USP10: variants seen among roughly 807,000 people sequenced by gnomAD.
The protein encoded by USP10 is ubiquitin specific peptidase 10, also known as ubiquitin carboxyl-terminal hydrolase 10.
Under a neutral mutation model 84.5 loss-of-function variants are expected in USP10, and 22 were observed. That is an observed-to-expected ratio of 0.26 (90% CI 0.19 to 0.37). USP10 has a LOEUF of 0.37. USP10 is among the 10% of genes least tolerant of loss of function. The pLI, the probability that USP10 is intolerant of heterozygous loss-of-function variation, is 1.00. For synonymous variants in USP10, 454 were observed against 387.6 expected (o/e 1.17, Z -2.01); for missense variants, 1,019 against 998.9 (o/e 1.02, Z -0.27).
intron 2 of USP10, among the ~76,000 whole-genome samples, chr16:84,735,249 TTTAAG>T (rs1909783306): frequency 6.7e-6 from 1 of 150,254 alleles, no homozygotes; most frequent in African/African-American, 2.5e-5. Context: ...TGTGTGTGTT[TTTAAG>T]TAAGGGGATT....
chr16:84,727,493 CTCTT>C (rs1908655588), intron 1 of USP10, among the ~76,000 whole-genome samples: 1 of 151,802 alleles, frequency 6.6e-6, no homozygotes, highest in African/African-American at 2.4e-5. Context: ...CAAACAAAAA[CTCTT>C]TATTTGCAAA....
intron 4 of USP10, among the ~76,000 whole-genome samples, chr16:84,750,327 G>C (rs1401197658): frequency 6.7e-6 from 1 of 150,240 alleles, no homozygotes; most frequent in Non-Finnish European, 1.5e-5. Context: ...AGAATAGCTT[G>C]AACCGGGGAG....
chr16:84,778,070 AT>A (rs898647288), intron 13 of USP10, among the ~76,000 whole-genome samples: 8 of 116,346 alleles, frequency 6.9e-5, no homozygotes, highest in South Asian at 2.6e-4. Flanking sequence ...TGGTTATAGG[AT>A]TTTTTTTTTA....
At chr16:84,723,237 T>C (rs572424578) in intron 1 of USP10, among the ~76,000 whole-genome samples, 5 of 152,152 alleles carry the variant, frequency 3.3e-5, no homozygotes, top group East Asian at 3.9e-4. Flanking sequence ...CACATGGTAA[T>C]TGTTAATGAT....
In USP10 at chr16:84,737,532, C is replaced by T. The variant is rs567825807; in HGVS notation, c.91-2777C>T. On this transcript the variant is annotated intron_variant, in intron 2 of 13. Transcript: ENST00000219473. ...GTGGAATAAAACACACACATTTCCACAGTGCCACAACCCATCTGGCATTCC... is the reference window on the plus strand; with the variant it reads ...GTGGAATAAAACACACACATTTCCATAGTGCCACAACCCATCTGGCATTCC... Among the ~76,000 whole-genome samples the T allele has an allele frequency of 1.3e-4, 20 of 152,334 alleles. No individual in the cohort carries two copies. In the South Asian group the frequency reaches 3.9e-3, roughly 30 times the overall value.
intron 2 of USP10, among the ~76,000 whole-genome samples, chr16:84,738,151 C>T (rs1910177336): frequency 6.6e-6 from 1 of 152,108 alleles, no homozygotes; most frequent in South Asian, 2.1e-4. Context: ...TCTTCCCAGC[C>T]TGCTGCAGTC....
chr16:84,700,919 C>T (rs868704790), intron 1 of USP10, among the ~76,000 whole-genome samples: 2 of 152,056 alleles, frequency 1.3e-5, no homozygotes, highest in Admixed American at 6.5e-5. Context: ...ATCTTCTCCC[C>T]CCTCCGCCAT....
At chr16:84,741,640 C>G (rs1483975325) in intron 3 of USP10, among the ~76,000 whole-genome samples, 1 of 152,160 alleles carries the variant, frequency 6.6e-6, no homozygotes, top group Non-Finnish European at 1.5e-5. Context: ...CCCTTTTTCT[C>G]CATTCTTTAC....
At chr16:84,768,819 A>G (rs952109075) in intron 11 of USP10, among the ~76,000 whole-genome samples, 5 of 152,192 alleles carry the variant, frequency 3.3e-5, no homozygotes, top group Non-Finnish European at 5.9e-5. Context: ...TAAATATAAT[A>G]TAGTCATTGT....
chr16:84,759,805 G>T, intron 6 of USP10, 86 bp from the exon 7 acceptor site: 1 of 1,332,836 alleles, frequency 7.5e-7, no homozygotes, highest in Admixed American at 1.7e-5. Context: ...TCGTATAGCT[G>T]ATATTCTACT....
chr16:84,762,950 A>G (rs751565854), intron 8 of USP10, 39 bp from the exon 9 acceptor site: 2 of 1,345,370 alleles, frequency 1.5e-6, no homozygotes, highest in Non-Finnish European at 2.1e-6. Flanking sequence ...TTTGACAGTG[A>G]TCAGTTCACA....
intron 4 of USP10, among the ~76,000 whole-genome samples, chr16:84,755,238 C>T (rs889070882): frequency 1.3e-5 from 2 of 151,700 alleles, no homozygotes; most frequent in African/African-American, 2.4e-5. Flanking sequence ...CCGTCTCACC[C>T]ACCTCTGGCA....
At position 84,707,445 on chromosome 16, in the gene USP10, A is replaced by T. The variant is rs115632781; in HGVS notation, c.21+7334A>T. On this transcript the variant is annotated intron_variant, in intron 1 of 13. Transcript: ENST00000219473. ...ACAGCACAGACGTATTTAAAGTGAA[A>T]AGTAGAAGTCATTCCCTTCCTCTCT... 3.3e-3 allele frequency among the ~76,000 whole-genome samples: 500 copies of T among 152,330 alleles called. 1 individual carries two copies. Among genetic ancestry groups the T allele is most frequent in the Middle Eastern group, 0.02 (6 of 294 alleles).
At chr16:84,765,476 CT>C (rs11395693) in intron 10 of USP10, among the ~76,000 whole-genome samples, 4,750 of 143,838 alleles carry the variant, frequency 0.033, 232 homozygotes, top group African/African-American at 0.11. Flanking sequence ...GTAGTTTCGT[CT>C]TTTTTTTTTT....
At chr16:84,748,041 C>G (rs1441432440) in intron 4 of USP10, among the ~76,000 whole-genome samples, 3 of 149,812 alleles carry the variant, frequency 2.0e-5, no homozygotes, top group African/African-American at 7.4e-5. Flanking sequence ...GTAGTCCCAG[C>G]TACTCAGGAG....
chr16:84,734,203 A>G (rs1257914052), intron 2 of USP10, among the ~76,000 whole-genome samples: 1 of 152,018 alleles, frequency 6.6e-6, no homozygotes, highest in East Asian at 1.9e-4. Flanking sequence ...CTCGTTTGCT[A>G]TCTAGGATTT....
chr16:84,745,655 G>C lies in USP10; in HGVS notation c.1174G>C (p.Val392Leu). 5 of 1,610,032 alleles carry C rather than the reference G, an allele frequency of 3.1e-6. No homozygotes were observed. The highest frequency in any genetic ancestry group is 4.2e-6 in the Non-Finnish European group (5 of 1,178,452). ...GCTTGTTCCGGTTTCAGAGGATCCT[G>C]TAGCCATAAAGATTGCAGGTATAGT... ...EGLVPVSEDP[V>L]AIKIAELLEN... Residue 392 changes from valine to leucine, a missense_variant, in exon 4 of 14, where the codon GTA becomes CTA. This residue lies in a region of USP10 where 787 missense variants were observed against 708.8 expected (regional missense o/e 1.11). Transcript: ENST00000219473.
chr16:84,748,906 G>A (rs1245218458), intron 4 of USP10, among the ~76,000 whole-genome samples: 1 of 152,184 alleles, frequency 6.6e-6, no homozygotes. Flanking sequence ...TGGACATATT[G>A]TAAACCCCTA....
intron 12 of USP10, among the ~76,000 whole-genome samples, chr16:84,774,321 T>C (rs1463678437): frequency 1.3e-5 from 2 of 152,124 alleles, no homozygotes; most frequent in African/African-American, 4.8e-5. Context: ...GATGGCTGCC[T>C]CGAACAGCAT....
Sources: gnomAD v4.1 joint callset for allele counts (sites outside exome capture counted in the v4.1 genomes callset) on GRCh38, gnomAD v4.1.1 for gene constraint, gnomAD v4.1.1 regional missense constraint, MANE v1.5 for transcripts, NCBI Gene and HGNC (gene_info 2026-07-23, HGNC 2026-07-21) for gene names.